The following RNFT2 variants were observed in gnomAD, a reference collection of about 807,000 sequenced individuals.
The protein encoded by RNFT2 is E3 ubiquitin-protein ligase RNFT2.
Under a neutral mutation model 53.0 loss-of-function variants are expected in RNFT2, and 36 were observed. The observed-to-expected ratio is 0.68, with a 90% CI of 0.52 to 0.90. The LOEUF is 0.90. Ranked by LOEUF, RNFT2 falls within the 40% of genes least tolerant of loss-of-function variation. RNFT2 has a pLI of 0.00. For missense variants in RNFT2, 514 were observed against 585.6 expected (o/e 0.88, Z 1.26); for synonymous variants, 260 against 253.2 (o/e 1.03, Z -0.26).
chr12:116,792,016 G>A (rs556759371), intron 7 of RNFT2, among the ~76,000 whole-genome samples: 21 of 152,216 alleles, frequency 1.4e-4, no homozygotes, highest in African/African-American at 5.1e-4. Flanking sequence ...TTAGACCGCG[G>A]TCCTTCCCGT....
chr12:116,818,917 G>A (rs1875838800), intron 7 of RNFT2, among the ~76,000 whole-genome samples: 1 of 152,240 alleles, frequency 6.6e-6, no homozygotes, highest in Admixed American at 6.5e-5. Flanking sequence ...AGGAACTGGG[G>A]TAAAGGTGCA....
rs764211506 is a variant in RNFT2, at chr12:116,779,191, C to G, written c.729-4C>G. The G allele has an allele frequency of 1.1e-5, 17 of 1,614,000 alleles. No homozygotes were observed. In the East Asian group the frequency reaches 1.1e-4, roughly 11 times the overall value. On this transcript the variant is annotated splice_polypyrimidine_tract_variant and splice_region_variant and intron_variant, in intron 6 of 10. Transcript: ENST00000257575. The stretch of plus-strand genomic sequence containing the variant: ...CCTTCTGACTCTCTCAATCCTCCCC[C>G]CAGCCTCATATTCCTGAAGCCCAAC...
rs1180873080 is a variant in RNFT2, at chr12:116,841,780, AAT to A, written c.1200+5510_1200+5511del. On this transcript the variant is annotated intron_variant, in intron 10 of 10. Transcript: ENST00000257575. Reference sequence around the variant, plus strand: ...ATATAAATATAAATATATATATATAAATATATATATATAAATATATATATAAA... The same window carrying A: ...ATATAAATATAAATATATATATATAAATATATATATAAATATATATATAAA... 9.1e-3 allele frequency among the ~76,000 whole-genome samples: 918 copies of A among 100,894 alleles called. 22 individuals are homozygous for A. The highest frequency in any genetic ancestry group is 0.02 in the African/African-American group (474 of 23,900). The allele number at this position is 100,894 out of a possible 152,430, so 66.2% of individuals were successfully genotyped here.
At chr12:116,814,678 A>G (rs978150018) in intron 7 of RNFT2, among the ~76,000 whole-genome samples, 1 of 145,634 alleles carries the variant, frequency 6.9e-6, no homozygotes, top group African/African-American at 2.5e-5. Context: ...GCCGTATGAT[A>G]TTTTTTTTTT....
chr12:116,745,487 C>T (rs1213529244), intron 3 of RNFT2, among the ~76,000 whole-genome samples: 1 of 151,964 alleles, frequency 6.6e-6, no homozygotes, highest in Non-Finnish European at 1.5e-5. Context: ...CTTCAAACTC[C>T]TGACCTCAAG....
chr12:116,837,064 G>C (rs1182451352), intron 10 of RNFT2, among the ~76,000 whole-genome samples: 1 of 152,154 alleles, frequency 6.6e-6, no homozygotes, highest in Non-Finnish European at 1.5e-5. Flanking sequence ...ATTGTCATCT[G>C]TATAATTATT....
intron 5 of RNFT2, among the ~76,000 whole-genome samples, chr12:116,758,106 G>C (rs913092521): frequency 6.6e-6 from 1 of 152,170 alleles, no homozygotes; most frequent in Non-Finnish European, 1.5e-5. Flanking sequence ...AACCACTGTT[G>C]CTTTAAAGTT....
chr12:116,786,811 C>T lies in RNFT2; in HGVS notation c.882+7463C>T, dbSNP rs138037560. ...AAATCAAGGTGTCAGCGGGGCTGCA[C>T]TGCCTCCGGAGGCTCAAGGAGAGAA... is the stretch of plus-strand genomic sequence containing the variant. On this transcript the variant is annotated intron_variant, in intron 7 of 10. Transcript: ENST00000257575. Among the ~76,000 whole-genome samples the T allele has an allele frequency of 8.2e-3, 1,252 of 152,334 alleles. 9 individuals are homozygous for T. Among genetic ancestry groups the T allele is most frequent in the Non-Finnish European group, 0.011 (766 of 68,042 alleles).
intron 6 of RNFT2, among the ~76,000 whole-genome samples, chr12:116,773,025 C>T (rs1179172244): frequency 6.6e-6 from 1 of 152,126 alleles, no homozygotes; most frequent in Admixed American, 6.5e-5. Context: ...GACAGGGTTT[C>T]ACCAAGTTGG....
chr12:116,800,163 G>A (rs1488851113), intron 7 of RNFT2, among the ~76,000 whole-genome samples: 1 of 152,064 alleles, frequency 6.6e-6, no homozygotes, highest in African/African-American at 2.4e-5. Flanking sequence ...CCTACAGTCT[G>A]CAGAACCATG....
intron 3 of RNFT2, among the ~76,000 whole-genome samples, chr12:116,743,376 C>T (rs1166642998): frequency 2.0e-5 from 3 of 151,800 alleles, no homozygotes; most frequent in Admixed American, 6.6e-5. Flanking sequence ...AAGCTACTCT[C>T]ATGCCTCTGT....
At position 116,748,923 on chromosome 12, in the gene RNFT2, C is replaced by T. The variant is rs138416651; in HGVS notation, c.84-918C>T. Among the ~76,000 whole-genome samples, 6 of 152,246 alleles carry T rather than the reference C, an allele frequency of 3.9e-5. No homozygotes were observed. The East Asian group carries it at 9.6e-4, about 24-fold the overall frequency. ...AGCCTCCATTTCTTTATCTGTAAAG[C>T]GGGAATATCAGTAGGACCTAATTCC... is the stretch of plus-strand genomic sequence containing the variant. On this transcript the variant is annotated intron_variant, in intron 3 of 10. Coordinates refer to ENST00000257575, the MANE Select transcript of RNFT2 (RefSeq NM_001382266.1).
chr12:116,845,573 A>T (rs921083704), intron 10 of RNFT2, among the ~76,000 whole-genome samples: 3 of 152,146 alleles, frequency 2.0e-5, no homozygotes, highest in African/African-American at 7.2e-5. Flanking sequence ...GAAGGCTGTG[A>T]ATAAGCCATG....
intron 7 of RNFT2, among the ~76,000 whole-genome samples, chr12:116,815,687 G>A (rs538813730): frequency 2.5e-4 from 38 of 152,262 alleles, no homozygotes; most frequent in Non-Finnish European, 5.3e-4. Context: ...ACATCTGCAC[G>A]TGCACAAAAT....
chr12:116,828,681 G>A (rs1408974666), intron 7 of RNFT2, among the ~76,000 whole-genome samples: 1 of 152,036 alleles, frequency 6.6e-6, no homozygotes, highest in African/African-American at 2.4e-5. Context: ...GCAAGGAAGA[G>A]AGGGAGGGAG....
chr12:116,845,969 C>T (rs1449945162), intron 10 of RNFT2, among the ~76,000 whole-genome samples: 4 of 152,152 alleles, frequency 2.6e-5, no homozygotes. Flanking sequence ...GTTCTTCAGG[C>T]TTCGACTCAA....
chr12:116,756,509 G>A (rs1400268224), intron 5 of RNFT2, among the ~76,000 whole-genome samples: 1 of 151,974 alleles, frequency 6.6e-6, no homozygotes, highest in African/African-American at 2.4e-5. Context: ...TCCCTTGTAT[G>A]CCATTTTGCT....
At chr12:116,841,798 TATATATAAATATATATATAA>T (rs1877278846) in intron 10 of RNFT2, among the ~76,000 whole-genome samples, 1 of 87,998 alleles carries the variant, frequency 1.1e-5, no homozygotes, top group African/African-American at 5.9e-5. Flanking sequence ...TATATAAATA[TATATATAAATATATATATAA>T]AAATATATAT....
At position 116,740,446 on chromosome 12, in the gene RNFT2, A is replaced by C. The variant is rs1190652977; in HGVS notation, c.-52A>C. 2 of 1,548,400 alleles carry C rather than the reference A, an allele frequency of 1.3e-6. No homozygotes were observed. The highest frequency in any genetic ancestry group is 3.9e-5 in the Admixed American group (2 of 51,472). On this transcript the variant is annotated 5_prime_UTR_variant, in exon 2 of 11. Transcript: ENST00000257575. The stretch of plus-strand genomic sequence containing the variant: ...GGGATCCATTGGTCACATCCCCCTG[A>C]GGATTCCCGAATGCCTACCTCCAGT...
Sources: allele counts gnomAD v4.1 joint callset (sites outside exome capture counted in the v4.1 genomes callset), GRCh38; gene constraint gnomAD v4.1.1; transcripts MANE v1.5; gene names NCBI Gene and HGNC (gene_info 2026-07-23, HGNC 2026-07-21).